CFAP43: variants seen among roughly 807,000 people sequenced by gnomAD.
The protein encoded by CFAP43 is cilia- and flagella-associated protein 43.
A neutral mutation model predicts 218.9 loss-of-function variants in CFAP43; 155 were observed. The ratio of observed to expected loss-of-function variants is 0.71; its 90% CI spans 0.62 to 0.81. The LOEUF (loss-of-function observed/expected upper bound fraction) is 0.81. Among genes scored for constraint, CFAP43 ranks in the 30% least tolerant of loss-of-function variants. CFAP43 has a pLI of 0.00. For missense variants in CFAP43, 1,778 were observed against 1,954.3 expected (o/e 0.91, Z 1.70); for synonymous variants, 645 against 681.3 (o/e 0.95, Z 0.83).
At chr10:104,184,890 T>A in intron 16 of CFAP43, 126 bp downstream of exon 16, 1 of 1,425,098 alleles carries the variant, frequency 7.0e-7, no homozygotes, top group Non-Finnish European at 9.3e-7. Flanking sequence ...TCTGTGAGTA[T>A]AACAAACTTT....
chr10:104,205,241 G>GAAAAGA (rs1322512120), intron 7 of CFAP43, among the ~76,000 whole-genome samples: 1 of 137,510 alleles, frequency 7.3e-6, no homozygotes, highest in African/African-American at 2.7e-5. Context: ...AAAAAGAAAA[G>GAAAAGA]AAAAGAAAAA....
chr10:104,165,118 C>A (rs141112205), intron 23 of CFAP43, among the ~76,000 whole-genome samples: 285 of 152,310 alleles, frequency 1.9e-3, no homozygotes, highest in Middle Eastern at 0.01. Context: ...TATATGAACA[C>A]ACCATTCTCA....
intron 30 of CFAP43, among the ~76,000 whole-genome samples, 189 bp from the exon 31 acceptor site, chr10:104,145,753 C>G (rs2087935057): frequency 6.6e-6 from 1 of 152,182 alleles, no homozygotes; most frequent in African/African-American, 2.4e-5. Context: ...TGATAAGAAG[C>G]ATCTAAGTGT....
At chr10:104,137,038 G>A (rs1263917241) in intron 34 of CFAP43, among the ~76,000 whole-genome samples, 1 of 152,168 alleles carries the variant, frequency 6.6e-6, no homozygotes, top group Non-Finnish European at 1.5e-5. Flanking sequence ...ATATGAAATG[G>A]TGCAGCTACT....
intron 2 of CFAP43, among the ~76,000 whole-genome samples, chr10:104,226,953 A>G (rs7098002): frequency 0.33 from 50,649 of 151,628 alleles, 9,690 homozygotes; most frequent in African/African-American, 0.54. Context: ...GGGAGGCGGA[A>G]GTTGCAGTGA....
chr10:104,145,482 C>G lies in CFAP43; in HGVS notation c.3938G>C (p.Arg1313Pro). ...TAGTGAAGGAGAAACAAACCTTGGT[C>G]GGCGTTTAAAAAGTTTGTAGAGTAT... ...VDILYKLFKRRPRISKQKTHS... is the reference protein window; with the variant it reads ...VDILYKLFKRPPRISKQKTHS... The change falls in exon 31 of 38, where the codon CGA becomes CCA. Residue 1313 changes from arginine (R) to proline (P), a missense_variant. Transcript: ENST00000357060. 6.3e-7 allele frequency: 1 copy of G among 1,589,216 alleles called. No homozygotes were observed. Among genetic ancestry groups the G allele is most frequent in the Non-Finnish European group, 8.6e-7 (1 of 1,162,358 alleles).
intron 27 of CFAP43, among the ~76,000 whole-genome samples, chr10:104,157,787 A>T (rs1042358724): frequency 2.9e-3 from 336 of 115,256 alleles, no homozygotes; most frequent in South Asian, 7.6e-3. Flanking sequence ...AGAGAGAGAG[A>T]GAGAGAGAGA....
chr10:104,175,813 A>G (rs528451985), intron 19 of CFAP43, among the ~76,000 whole-genome samples: 2 of 152,370 alleles, frequency 1.3e-5, no homozygotes, highest in African/African-American at 4.8e-5. Context: ...TTGAAAAATT[A>G]TAAGTTGAAC....
At chr10:104,131,253 A>G in intron 37 of CFAP43, 78 bp downstream of exon 37, 1 of 1,481,994 alleles carries the variant, frequency 6.7e-7, no homozygotes. Flanking sequence ...TAGCTTTTTA[A>G]CTGTTGTATA....
chr10:104,181,333 T>G (rs1279693533), intron 17 of CFAP43, among the ~76,000 whole-genome samples: 2 of 152,152 alleles, frequency 1.3e-5, no homozygotes, highest in East Asian at 3.9e-4. Flanking sequence ...CTTCTCTCCT[T>G]GGCACAAGAC....
At position 104,132,156 on chromosome 10, in the gene CFAP43, T is replaced by C; in HGVS notation, c.4637A>G (p.Gln1546Arg). The change falls in exon 36 of 38, where the codon CAG becomes CGG. Residue 1546 changes from glutamine (Q) to arginine (R), a missense_variant. By Grantham distance (43) the Gln-to-Arg change is conservative. Around this residue, in one of 3 missense-constraint regions of CFAP43, gnomAD observed 211 missense variants for 230.6 expected, o/e 0.91. Coordinates refer to ENST00000357060, the MANE Select transcript of CFAP43 (RefSeq NM_025145.7). ...AATGGTTTGTTCCATTATTCCAATC[T>C]GAATACTAATCAGAGCCTCATAGTT... is the stretch of plus-strand genomic sequence containing the variant. ...EPNYEALISI[Q>R]IGIMEQTIAV... is the part of the protein sequence containing the mutation. 1 of 1,606,930 alleles carries C rather than the reference T, an allele frequency of 6.2e-7. No individual in the cohort carries two copies. Among genetic ancestry groups the C allele is most frequent in the Non-Finnish European group, 8.5e-7 (1 of 1,177,270 alleles).
chr10:104,182,244 T>C (rs1273923776), intron 17 of CFAP43, 122 bp downstream of exon 17: 2 of 1,122,164 alleles, frequency 1.8e-6, no homozygotes, highest in Non-Finnish European at 1.2e-6. Flanking sequence ...TTGAAAATCA[T>C]GGGATACCTG....
At chr10:104,226,539 G>A (rs1005982552) in intron 2 of CFAP43, among the ~76,000 whole-genome samples, 5 of 150,802 alleles carry the variant, frequency 3.3e-5, no homozygotes, top group African/African-American at 4.9e-5. Context: ...TTAAATCTTA[G>A]AAAATATGGT....
intron 28 of CFAP43, among the ~76,000 whole-genome samples, chr10:104,150,288 A>G (rs879505496): frequency 1.6e-4 from 24 of 151,998 alleles, no homozygotes; most frequent in Non-Finnish European, 8.8e-5. Context: ...CAGTATATCC[A>G]TACATCCACT....
rs2091471250 is a variant in CFAP43 at position 104,232,256 on chromosome 10, T to C, written c.-10A>G. 2 of 1,600,040 alleles carry C rather than the reference T, an allele frequency of 1.2e-6. No individual in the cohort carries two copies. The highest frequency in any genetic ancestry group is 2.7e-5 in the African/African-American group (2 of 74,692). Reference sequence around the variant, plus strand: ...CCCGGCCTTGCGCCATGGGCAGTGTTTTCCTCAGGCGGGAGCAGGCAGCGC... The same window carrying C: ...CCCGGCCTTGCGCCATGGGCAGTGTCTTCCTCAGGCGGGAGCAGGCAGCGC... On this transcript the variant is annotated 5_prime_UTR_variant, in exon 1 of 38. Transcript: ENST00000357060.
intron 35 of CFAP43, 70 bp downstream of exon 35, chr10:104,133,550 A>C: frequency 6.8e-7 from 1 of 1,477,242 alleles, no homozygotes; most frequent in Non-Finnish European, 9.1e-7. Context: ...TTCTTATTAA[A>C]TACTGGTTAA....
intron 24 of CFAP43, among the ~76,000 whole-genome samples, chr10:104,162,652 T>C (rs926640325): frequency 2.6e-5 from 4 of 151,352 alleles, no homozygotes; most frequent in Non-Finnish European, 4.4e-5. Flanking sequence ...GGGAACCTGA[T>C]AGATTAAGGA....
At chr10:104,222,483 G>T (rs573603493) in intron 3 of CFAP43, among the ~76,000 whole-genome samples, 2 of 152,196 alleles carry the variant, frequency 1.3e-5, no homozygotes, top group Admixed American at 1.3e-4. Context: ...TCATTCTTGG[G>T]CCCCAGGGCA....
intron 30 of CFAP43, 29 bp from the exon 31 acceptor site, chr10:104,145,593 G>T: frequency 1.3e-6 from 2 of 1,489,710 alleles, no homozygotes; most frequent in Non-Finnish European, 1.8e-6. Context: ...TTTGAGGACT[G>T]CAACTTGGTT....
Sources: allele counts gnomAD v4.1 joint callset (sites outside exome capture counted in the v4.1 genomes callset), GRCh38; gene constraint gnomAD v4.1.1; regional missense constraint gnomAD v4.1.1; transcripts MANE v1.5; gene names NCBI Gene and HGNC (gene_info 2026-07-23, HGNC 2026-07-21).